The following MINPP1 variants were observed in gnomAD, a reference collection of about 807,000 sequenced individuals.
MINPP1 encodes multiple inositol polyphosphate phosphatase 1.
In MINPP1, 28 loss-of-function variants were observed where a neutral mutation model predicts 46.1. That is an observed-to-expected ratio of 0.61 (90% CI 0.45 to 0.83). The LOEUF (loss-of-function observed/expected upper bound fraction) is 0.83. MINPP1 is among the 40% of genes least tolerant of loss of function. MINPP1 has a pLI of 0.00. For missense variants in MINPP1, 603 were observed against 610.0 expected (o/e 0.99, Z 0.12); for synonymous variants, 268 against 249.1 (o/e 1.08, Z -0.72).
At chr10:87,524,146 G>GA (rs1851542009) in intron 4 of MINPP1, among the ~76,000 whole-genome samples, 1 of 152,172 alleles carries the variant, frequency 6.6e-6, no homozygotes, top group South Asian at 2.1e-4. Context: ...TGTCTACATT[G>GA]AAAATCTGCT....
At chr10:87,525,396 T>C (rs1851561975) in intron 4 of MINPP1, among the ~76,000 whole-genome samples, 1 of 152,256 alleles carries the variant, frequency 6.6e-6, no homozygotes, top group African/African-American at 2.4e-5. Context: ...TATGTGGTTC[T>C]TTGTGACAGG....
intron 4 of MINPP1, among the ~76,000 whole-genome samples, chr10:87,537,856 A>G (rs1446241063): frequency 6.7e-6 from 1 of 150,162 alleles, no homozygotes; most frequent in Non-Finnish European, 1.5e-5. Flanking sequence ...TACAGCCTCA[A>G]CCTCCCAGGC....
chr10:87,551,553 C>G (rs973787914), intron 4 of MINPP1, among the ~76,000 whole-genome samples: 1 of 152,026 alleles, frequency 6.6e-6, no homozygotes, highest in Non-Finnish European at 1.5e-5. Context: ...ACATCACTAA[C>G]CTTTTTTGGG....
At chr10:87,518,099 A>G (rs1311557465) in intron 3 of MINPP1, among the ~76,000 whole-genome samples, 1 of 151,378 alleles carries the variant, frequency 6.6e-6, no homozygotes, top group African/African-American at 2.4e-5. Context: ...AGCTGGGATT[A>G]CAGGCACCCG....
chr10:87,528,035 G>T (rs1003462527), intron 4 of MINPP1, among the ~76,000 whole-genome samples: 2 of 152,120 alleles, frequency 1.3e-5, no homozygotes, highest in African/African-American at 4.8e-5. Flanking sequence ...TTATATTTCT[G>T]TGGGATTGGT....
chr10:87,513,302 C>T, intron 3 of MINPP1, 81 bp downstream of exon 3: 2 of 958,346 alleles, frequency 2.1e-6, no homozygotes, highest in Admixed American at 1.9e-5. Context: ...TTACTTGAAG[C>T]AGCTTTTCAG....
At chr10:87,528,064 A>AT (rs527828263) in intron 4 of MINPP1, among the ~76,000 whole-genome samples, 1,707 of 152,100 alleles carry the variant, frequency 0.011, 35 homozygotes, top group African/African-American at 0.039. Context: ...CCCCTTTATC[A>AT]TTTTTTATTG....
Position 87,521,188 on chromosome 10 carries a change from AT to A in MINPP1, c.1067+20del, listed in dbSNP as rs777465808. 1 of 1,604,116 alleles carries A rather than the reference AT, an allele frequency of 6.2e-7. No individual in the cohort carries two copies. The highest frequency in any genetic ancestry group is 1.3e-5 in the African/African-American group (1 of 74,878). Reference sequence around the variant, plus strand: ...AACAAAGGTAAGAACTTTCTAAAAAATGTGAAGTACATTTTGAGTTACTACT... The same window carrying A: ...AACAAAGGTAAGAACTTTCTAAAAAAGTGAAGTACATTTTGAGTTACTACT... On this transcript the variant is annotated intron_variant, in intron 4 of 4. Transcript: ENST00000371996.
intron 4 of MINPP1, among the ~76,000 whole-genome samples, chr10:87,537,987 T>TTA (rs978568972): frequency 5.9e-5 from 9 of 151,950 alleles, no homozygotes; most frequent in Admixed American, 5.9e-4. Flanking sequence ...ATTTATTTAT[T>TTA]TTTATTTTTT....
At chr10:87,527,264 C>G (rs187439901) in intron 4 of MINPP1, among the ~76,000 whole-genome samples, 245 of 152,252 alleles carry the variant, frequency 1.6e-3, no homozygotes, top group African/African-American at 5.6e-3. Flanking sequence ...TCCTTCACAT[C>G]CCTACAATTG....
chr10:87,519,962 A>G (rs752806470), intron 3 of MINPP1, among the ~76,000 whole-genome samples: 11 of 152,094 alleles, frequency 7.2e-5, no homozygotes, highest in Non-Finnish European at 1.5e-4. Flanking sequence ...CAGACCTTTC[A>G]GCAGAGGTTA....
chr10:87,504,956 C>A lies in MINPP1; in HGVS notation c.41C>A (p.Ala14Glu). Residue 14 changes from alanine to glutamate, a missense_variant, in exon 1 of 5, where the codon GCG becomes GAG. By Grantham distance (107) the Ala-to-Glu change is moderately radical. This residue lies in a region of MINPP1 where 239 missense variants were observed against 189.4 expected (regional missense o/e 1.26). Coordinates refer to ENST00000371996, the MANE Select transcript of MINPP1 (RefSeq NM_004897.5). ...APGCLLRTSVAPAAALAAALL... is the reference protein window; with the variant it reads ...APGCLLRTSVEPAAALAAALL... ...GGCTGCCTCCTCCGGACCTCCGTAG[C>A]GCCTGCCGCGGCCCTGGCTGCGGCG... is the stretch of plus-strand genomic sequence containing the variant. The A allele has an allele frequency of 1.2e-6, 2 of 1,611,828 alleles. No individual in the cohort carries two copies. The highest frequency in any genetic ancestry group is 1.7e-6 in the Non-Finnish European group (2 of 1,179,482).
intron 3 of MINPP1, among the ~76,000 whole-genome samples, chr10:87,517,402 C>T (rs1474525206): frequency 2.0e-5 from 3 of 151,900 alleles, no homozygotes; most frequent in South Asian, 2.1e-4. Context: ...AAGGGGCAAG[C>T]GGTAACTTCT....
intron 4 of MINPP1, among the ~76,000 whole-genome samples, chr10:87,547,715 G>T (rs192212271): frequency 5.3e-5 from 8 of 152,276 alleles, no homozygotes; most frequent in African/African-American, 1.9e-4. Flanking sequence ...TATTTTAGGA[G>T]AACTGACTTG....
intron 4 of MINPP1, among the ~76,000 whole-genome samples, chr10:87,525,539 CT>C (rs1851564426): frequency 6.6e-6 from 1 of 152,016 alleles, no homozygotes. Flanking sequence ...ATCTTATTTT[CT>C]TTTTTTCACC....
At chr10:87,532,499 A>G (rs1023546115) in intron 4 of MINPP1, among the ~76,000 whole-genome samples, 2 of 152,258 alleles carry the variant, frequency 1.3e-5, no homozygotes, top group African/African-American at 4.8e-5. Flanking sequence ...CTCTTGTTCT[A>G]ACTGAAGAAG....
At chr10:87,512,064 T>A (rs1224939412) in intron 2 of MINPP1, among the ~76,000 whole-genome samples, 1 of 152,214 alleles carries the variant, frequency 6.6e-6, no homozygotes, top group Non-Finnish European at 1.5e-5. Flanking sequence ...GCAGTAAAAT[T>A]AAAGAAAAAT....
chr10:87,504,981 G>T lies in MINPP1; in HGVS notation c.66G>T (p.Ala22=). 6.2e-7 allele frequency: 1 copy of T among 1,612,278 alleles called. No homozygotes were observed. The highest frequency in any genetic ancestry group is 8.5e-7 in the Non-Finnish European group (1 of 1,179,664). Residue 22 remains alanine (A), a synonymous_variant, in exon 1 of 5, where the codon GCG becomes GCT. Coordinates refer to ENST00000371996, the MANE Select transcript of MINPP1 (RefSeq NM_004897.5). The stretch of plus-strand genomic sequence containing the variant: ...CGCCTGCCGCGGCCCTGGCTGCGGC[G>T]CTGCTCTCGTCGCTTGCGCGCTGCT... ...SVAPAAALAA[A]LLSSLARCSL... is the part of the protein sequence containing the mutation.
In MINPP1 at chr10:87,516,702, A is replaced by C. The variant is rs1851416304; in HGVS notation, c.933+3481A>C. Among the ~76,000 whole-genome samples, 2 of 95,134 alleles carry C rather than the reference A, an allele frequency of 2.1e-5. 1 individual carries two copies. Among genetic ancestry groups the C allele is most frequent in the South Asian group, 7.8e-4 (2 of 2,550 alleles). The allele number at this position is 95,134 out of a possible 152,430, so 62.4% of individuals were successfully genotyped here. ...TCTCTCTCCTGGGATTAGTTTTGGT[A>C]TTTAATATACCTATAAAAGTCATTT... On this transcript the variant is annotated intron_variant, in intron 3 of 4. Transcript: ENST00000371996.
Sources: gnomAD v4.1 joint callset for allele counts (sites outside exome capture counted in the v4.1 genomes callset) on GRCh38, gnomAD v4.1.1 for gene constraint, gnomAD v4.1.1 regional missense constraint, MANE v1.5 for transcripts, NCBI Gene and HGNC (gene_info 2026-07-23, HGNC 2026-07-21) for gene names.